Variants in FMNL3 observed in about 807,000 individuals in gnomAD.
The protein encoded by FMNL3 is formin like 3.
Under a neutral mutation model 119.6 loss-of-function variants are expected in FMNL3, and 57 were observed. That is an observed-to-expected ratio of 0.48 (90% CI 0.39 to 0.59). The LOEUF is 0.59. FMNL3 is among the 20% of genes least tolerant of loss of function. The pLI is 0.00. For missense variants in FMNL3, 1,053 were observed against 1,323.5 expected (o/e 0.80, Z 3.17); for synonymous variants, 491 against 507.3 (o/e 0.97, Z 0.43).
Position 49,641,559 on chromosome 12 carries a change from A to G in FMNL3, c.*4256T>C, listed in dbSNP as rs891638309. On this transcript the variant is annotated 3_prime_UTR_variant, in exon 26 of 26. Coordinates refer to ENST00000335154, the MANE Select transcript of FMNL3 (RefSeq NM_175736.5). Reference sequence around the variant, plus strand: ...AAAGGGTAGGGGCCAGCAAATGTTGATTGAGAATGCATGGAAGCACTGCTG... The same window carrying G: ...AAAGGGTAGGGGCCAGCAAATGTTGGTTGAGAATGCATGGAAGCACTGCTG... 2.8e-4 allele frequency: 80 copies of G among 285,398 alleles called. No homozygotes were observed. Among genetic ancestry groups the G allele is most frequent in the Non-Finnish European group, 6.0e-5 (9 of 150,772 alleles). The allele number at this position is 285,398 out of a possible 1,614,324, so 17.7% of individuals were successfully genotyped here. A position where few individuals can be genotyped will look rare whatever the true frequency, so the allele number is the denominator to read the frequency against.
At position 49,707,230 on chromosome 12, in the gene FMNL3, A is replaced by G. The variant is rs747685742; in HGVS notation, c.-50T>C. 4.2e-6 allele frequency: 6 copies of G among 1,430,874 alleles called. No individual in the cohort carries two copies. The highest frequency in any genetic ancestry group is 3.0e-5 in the African/African-American group (2 of 66,908). 88.6% of individuals were successfully genotyped at this position (1,430,874 alleles called of 1,614,324 possible). ...TCGGCCCCCCACCTCCACGCTCCGG[A>G]GCTTTCGGCTCCGCGGCTCCGACCA... On this transcript the variant is annotated 5_prime_UTR_variant, in exon 1 of 26. Transcript: ENST00000335154.
chr12:49,668,362 C>A, intron 2 of FMNL3, 109 bp downstream of exon 2: 2 of 982,076 alleles, frequency 2.0e-6, no homozygotes. Flanking sequence ...CAAGCTTAGG[C>A]CAGGGTTCCT....
rs766700373 is a variant in FMNL3, at chr12:49,642,054, C to A, written c.*3761G>T. ...GGGGCTGGGCGGGGCGTGGGAAGTTCTCTAATTCATCTGTGTCTTGCTCCA... is the reference window on the plus strand; with the variant it reads ...GGGGCTGGGCGGGGCGTGGGAAGTTATCTAATTCATCTGTGTCTTGCTCCA... On this transcript the variant is annotated 3_prime_UTR_variant, in exon 26 of 26. Coordinates refer to ENST00000335154, the MANE Select transcript of FMNL3 (RefSeq NM_175736.5). This position sits in a 1 kb window ranked among gnomAD's most constrained non-coding sequence, Gnocchi z 5.8. 4 of 1,607,788 alleles carry A rather than the reference C, an allele frequency of 2.5e-6. No homozygotes were observed. In the African/African-American group the frequency reaches 4.0e-5, roughly 16 times the overall value.
At chr12:49,668,346 T>G in intron 2 of FMNL3, 125 bp downstream of exon 2, 1 of 826,660 alleles carries the variant, frequency 1.2e-6, no homozygotes, top group East Asian at 2.5e-5. Context: ...TGAACACAGA[T>G]GAGGCCAAGC....
chr12:49,648,578 A>C (rs1408216006), intron 21 of FMNL3, among the ~76,000 whole-genome samples: 1 of 152,266 alleles, frequency 6.6e-6, no homozygotes, highest in African/African-American at 2.4e-5. Flanking sequence ...TAGCAAAGGC[A>C]GGCAAGCCAC....
At chr12:49,677,812 T>C (rs1944231229) in intron 1 of FMNL3, among the ~76,000 whole-genome samples, 1 of 152,208 alleles carries the variant, frequency 6.6e-6, no homozygotes, top group South Asian at 2.1e-4. Context: ...AATTAGACTG[T>C]GGAGTCAAGT....
intron 1 of FMNL3, among the ~76,000 whole-genome samples, chr12:49,702,722 T>C (rs1364694064): frequency 6.6e-6 from 1 of 152,082 alleles, no homozygotes; most frequent in African/African-American, 2.4e-5. Context: ...GTCTAGGGTC[T>C]TCTCTGTGGG....
rs2138708471 is a variant in FMNL3 at position 49,647,891 on chromosome 12, G to A, written c.2677-87C>T. On this transcript the variant is annotated intron_variant, in intron 22 of 25. Transcript: ENST00000335154. This position sits in a 1 kb window ranked among gnomAD's most constrained non-coding sequence, Gnocchi z 4.9. ...ACGGATGAGAGGCCTGCAGAAAGCA[G>A]AGCCCAGGGCCAAAGGGAGGAAAAC... 8.8e-7 allele frequency: 1 copy of A among 1,132,850 alleles called. No individual in the cohort carries two copies. The highest frequency in any genetic ancestry group is 2.4e-5 in the East Asian group (1 of 40,928). The allele number at this position is 1,132,850 out of a possible 1,614,324, so 70.2% of individuals were successfully genotyped here. A position where few individuals can be genotyped will look rare whatever the true frequency, so the allele number is the denominator to read the frequency against.
chr12:49,688,377 C>A (rs917750224), intron 1 of FMNL3: 1 of 455,974 alleles, frequency 2.2e-6, no homozygotes, highest in Non-Finnish European at 4.4e-6. Context: ...CTAGAAGTTT[C>A]CCTACAATTA....
At chr12:49,694,676 C>T (rs1944703640) in intron 1 of FMNL3, among the ~76,000 whole-genome samples, 2 of 151,978 alleles carry the variant, frequency 1.3e-5, no homozygotes, top group South Asian at 2.1e-4. Context: ...TTTGGGAGGC[C>T]GAGGCAGGTG....
In FMNL3 at chr12:49,650,314, A is replaced by T. The variant is rs77562444; in HGVS notation, c.2000+362T>A. Among the ~76,000 whole-genome samples, 110 of 152,198 alleles carry T rather than the reference A, an allele frequency of 7.2e-4. 2 individuals are homozygous for T. The East Asian group carries it at 0.018, about 25-fold the overall frequency. The stretch of plus-strand genomic sequence containing the variant: ...TCCAGGCCCTGAACTGGACTAACTC[A>T]TATCTTTTCTTCAGGTCCCAGTTGA... On this transcript the variant is annotated intron_variant, in intron 17 of 25. Transcript: ENST00000335154.
chr12:49,639,769 G>A lies in FMNL3; in HGVS notation c.*6046C>T, dbSNP rs1942350759. ...TTTTGTGAAATGGAGGGAAAGGAAG[G>A]AATCAGAGGTGTCAGGGCAGTGGAT... On this transcript the variant is annotated 3_prime_UTR_variant, in exon 26 of 26. Transcript: ENST00000335154. The A allele has an allele frequency of 6.6e-6, 1 of 152,056 alleles. No homozygotes were observed. The highest frequency in any genetic ancestry group is 2.1e-4 in the South Asian group (1 of 4,822). The allele number at this position is 152,056 out of a possible 1,614,324, so 9.4% of individuals were successfully genotyped here.
chr12:49,645,691 G>C lies in FMNL3; in HGVS notation c.*124C>G. On this transcript the variant is annotated 3_prime_UTR_variant, in exon 26 of 26. Coordinates refer to ENST00000335154, the MANE Select transcript of FMNL3 (RefSeq NM_175736.5). ...CACAAGTAGAAAGATCCAGCCTCAAGAGCTGGGGCGGACATGGTTGAGAGA... is the reference window on the plus strand; with the variant it reads ...CACAAGTAGAAAGATCCAGCCTCAACAGCTGGGGCGGACATGGTTGAGAGA... The C allele has an allele frequency of 1.3e-6, 1 of 771,424 alleles. No individual in the cohort carries two copies. Among genetic ancestry groups the C allele is most frequent in the South Asian group, 1.9e-5 (1 of 53,926 alleles). The allele number at this position is 771,424 out of a possible 1,614,324, so 47.8% of individuals were successfully genotyped here.
In FMNL3 at chr12:49,648,123, A is replaced by C. The variant is rs548988675; in HGVS notation, c.2676+70T>G. 7 of 1,505,602 alleles carry C rather than the reference A, an allele frequency of 4.6e-6. No individual in the cohort carries two copies. The South Asian group carries it at 9.1e-5, about 20-fold the overall frequency. The allele number at this position is 1,505,602 out of a possible 1,614,324, so 93.3% of individuals were successfully genotyped here. ...TTGATTTAAAAAAAAAAAAAAATAG[A>C]ACTAGGGCCACCTAGAGGGGCCTGG... On this transcript the variant is annotated intron_variant, in intron 22 of 25. Coordinates refer to ENST00000335154, the MANE Select transcript of FMNL3 (RefSeq NM_175736.5).
intron 1 of FMNL3, among the ~76,000 whole-genome samples, chr12:49,688,057 A>G (rs896261294): frequency 4.6e-5 from 7 of 152,246 alleles, no homozygotes; most frequent in Non-Finnish European, 8.8e-5. Flanking sequence ...CTATAGTTAT[A>G]GGTCACACTT....
intron 1 of FMNL3, among the ~76,000 whole-genome samples, chr12:49,704,531 C>T (rs200035994): frequency 4.0e-5 from 6 of 151,846 alleles, no homozygotes; most frequent in Middle Eastern, 3.4e-3. Flanking sequence ...GCCAACATGG[C>T]GAAACCCCAT....
chr12:49,649,375 A>G lies in FMNL3; in HGVS notation c.2305-36T>C, dbSNP rs1050937829. On this transcript the variant is annotated intron_variant, in intron 19 of 25. Coordinates refer to ENST00000335154, the MANE Select transcript of FMNL3 (RefSeq NM_175736.5). The surrounding 1 kb of genome is among the most constrained non-coding windows in gnomAD (Gnocchi z 5.6). ...AATGTGTGGGAGGCAGGTCAGGCTC[A>G]GGTCCTGAAGGCTCCTTCTTCCTCT... The G allele has an allele frequency of 2.5e-6, 4 of 1,613,666 alleles. No homozygotes were observed. The highest frequency in any genetic ancestry group is 3.4e-6 in the Non-Finnish European group (4 of 1,179,694).
chr12:49,637,181 G>A lies in FMNL3; in HGVS notation c.*8634C>T. On this transcript the variant is annotated 3_prime_UTR_variant, in exon 26 of 26. Coordinates refer to ENST00000335154, the MANE Select transcript of FMNL3 (RefSeq NM_175736.5). Reference sequence around the variant, plus strand: ...TTATTCCCTCAGCTTGGGGGTGGCAGTGGTGGTGGTAGTGCTAGGGGTTAC... The same window carrying A: ...TTATTCCCTCAGCTTGGGGGTGGCAATGGTGGTGGTAGTGCTAGGGGTTAC... The A allele has an allele frequency of 1.8e-6, 1 of 568,924 alleles. No homozygotes were observed. The highest frequency in any genetic ancestry group is 3.1e-6 in the Non-Finnish European group (1 of 319,380). 35.2% of individuals were successfully genotyped at this position (568,924 alleles called of 1,614,324 possible).
chr12:49,668,393 T>A lies in FMNL3; in HGVS notation c.210+78A>T, dbSNP rs555878900. On this transcript the variant is annotated intron_variant, in intron 2 of 25. Transcript: ENST00000335154. ...TTCCTCAAGGAACCCAAGGCTGCAC[T>A]CAATGCCTTTGGCCCCACAGCCTTA... The A allele has an allele frequency of 3.6e-6, 5 of 1,387,114 alleles. No individual in the cohort carries two copies. In the South Asian group the frequency reaches 5.8e-5, roughly 16 times the overall value. The allele number at this position is 1,387,114 out of a possible 1,614,324, so 85.9% of individuals were successfully genotyped here.
Sources: gnomAD v4.1 joint callset for allele counts (sites outside exome capture counted in the v4.1 genomes callset) on GRCh38, gnomAD v4.1.1 for gene constraint, Gnocchi (gnomAD v3.1) non-coding constraint, MANE v1.5 for transcripts, NCBI Gene and HGNC (gene_info 2026-07-23, HGNC 2026-07-21) for gene names.